The following DOP1B variants were observed in gnomAD, a reference collection of about 807,000 sequenced individuals.
DOP1B encodes the protein protein DOP1B.
In DOP1B, 174 loss-of-function variants were observed where a neutral mutation model predicts 233.5. The observed-to-expected ratio is 0.75, with a 90% CI of 0.66 to 0.85. The LOEUF (loss-of-function observed/expected upper bound fraction) is 0.85, where lower values mean the gene tolerates loss of function less well. Among genes scored for constraint, DOP1B ranks in the 40% least tolerant of loss-of-function variants. The pLI is 0.00. For synonymous variants in DOP1B, 1,190 were observed against 1,185.6 expected (o/e 1.00, Z -0.08); for missense variants, 2,652 against 2,846.6 (o/e 0.93, Z 1.56).
At chr21:36,266,106 C>A (rs140584562) in intron 26 of DOP1B, among the ~76,000 whole-genome samples, 1 of 152,274 alleles carries the variant, frequency 6.6e-6, no homozygotes, top group East Asian at 1.9e-4. Flanking sequence ...CACTACCCAC[C>A]CCTTGGGTTC....
intron 12 of DOP1B, among the ~76,000 whole-genome samples, chr21:36,227,387 C>A (rs555204985): frequency 3.0e-4 from 44 of 146,724 alleles, no homozygotes; most frequent in East Asian, 1.5e-3. Flanking sequence ...CTCTACTAAA[C>A]ATACAAAAAA....
rs768019595 is a variant in DOP1B, at chr21:36,260,717, A to G, written c.5300A>G (p.Tyr1767Cys). ...GACATTCCTGTGTTGCAGTTTTGCT[A>G]TGCTTTTCTCCAAAGGTAATACAGT... ...LVDIPVLQFCYAFLQRLPVPA... is the reference protein window; with the variant it reads ...LVDIPVLQFCCAFLQRLPVPA... Residue 1767 changes from tyrosine (Y) to cysteine (C), a missense_variant, in exon 24 of 37, where the codon TAT becomes TGT. Around this residue, in one of 3 missense-constraint regions of DOP1B, gnomAD observed 2,617 missense variants for 2,794.3 expected, o/e 0.94. Coordinates refer to ENST00000691173, the MANE Select transcript of DOP1B (RefSeq NM_001320714.2). 4 of 1,614,088 alleles carry G rather than the reference A, an allele frequency of 2.5e-6. No individual in the cohort carries two copies. The highest frequency in any genetic ancestry group is 1.7e-5 in the Admixed American group (1 of 60,010).
At chr21:36,277,129 T>G (rs375296836) in intron 28 of DOP1B, 29 bp downstream of exon 28, 614 of 1,605,694 alleles carry the variant, frequency 3.8e-4, no homozygotes, top group Non-Finnish European at 4.8e-4. Flanking sequence ...TGTCGTCCTT[T>G]ATGGAAATGA....
At position 36,246,222 on chromosome 21, in the gene DOP1B, A is replaced by G; in HGVS notation, c.4242A>G (p.Pro1414=). 1 of 1,613,876 alleles carries G rather than the reference A, an allele frequency of 6.2e-7. No individual in the cohort carries two copies. The highest frequency in any genetic ancestry group is 8.5e-7 in the Non-Finnish European group (1 of 1,180,028). ...CCGCCCACCACGGCAGGGCCCTGCC[A>G]GAGGACAGCCTCTTTGAGGAGAGTC... ...LATAHHGRAL[P]EDSLFEESLI... Residue 1414 remains proline (P), a synonymous_variant, in exon 19 of 37, where the codon CCA becomes CCG. Coordinates refer to ENST00000691173, the MANE Select transcript of DOP1B (RefSeq NM_001320714.2). This position sits in a 1 kb window ranked among gnomAD's most constrained non-coding sequence, Gnocchi z 5.1.
intron 32 of DOP1B, among the ~76,000 whole-genome samples, chr21:36,282,448 G>A (rs919271338): frequency 9.2e-5 from 14 of 151,950 alleles, no homozygotes; most frequent in African/African-American, 3.1e-4. Context: ...ATCAATTACA[G>A]TGTTATTAAT....
intron 13 of DOP1B, among the ~76,000 whole-genome samples, chr21:36,230,199 G>A (rs909468920): frequency 6.6e-6 from 1 of 152,062 alleles, no homozygotes; most frequent in African/African-American, 2.4e-5. Context: ...AAAAACACAA[G>A]AAAAATAGGC....
intron 35 of DOP1B, among the ~76,000 whole-genome samples, chr21:36,290,026 A>G (rs2067537823): frequency 6.6e-6 from 1 of 152,164 alleles, no homozygotes; most frequent in Admixed American, 6.5e-5. Flanking sequence ...CCAAGAGTGA[A>G]CCCTGATGTA....
Position 36,249,972 on chromosome 21 carries a change from C to T in DOP1B, c.4999-1190C>T, listed in dbSNP as rs12627483. On this transcript the variant is annotated intron_variant, in intron 21 of 36. Coordinates refer to ENST00000691173, the MANE Select transcript of DOP1B (RefSeq NM_001320714.2). ...CACTCAGAAAAAAAGATTTTCTAAA[C>T]CTTTTTTAGGGGAGCTTCCTGTAGC... is the stretch of plus-strand genomic sequence containing the variant. Among the ~76,000 whole-genome samples, 431 of 152,180 alleles carry T rather than the reference C, an allele frequency of 2.8e-3. 2 individuals are homozygous for T. Among genetic ancestry groups the T allele is most frequent in the African/African-American group, 9.8e-3 (408 of 41,526 alleles).
chr21:36,231,679 G>T (rs796485059), intron 14 of DOP1B, among the ~76,000 whole-genome samples: 5,333 of 131,672 alleles, frequency 0.041, 171 homozygotes, highest in African/African-American at 0.086. Flanking sequence ...GGGTTTTTTT[G>T]TTTTTTTTTT....
intron 28 of DOP1B, 68 bp from the exon 29 acceptor site, chr21:36,277,907 G>A: frequency 1.6e-6 from 2 of 1,288,662 alleles, no homozygotes; most frequent in South Asian, 1.2e-5. Flanking sequence ...CTCCCGAAGT[G>A]CTGGGATTAC....
Position 36,208,693 on chromosome 21 carries a change from C to T in DOP1B, c.492-22C>T, listed in dbSNP as rs2123489058. On this transcript the variant is annotated intron_variant, in intron 4 of 36. Transcript: ENST00000691173. The stretch of plus-strand genomic sequence containing the variant: ...CGGGAAGATGGGGCGAGCCCTTGAA[C>T]CCTATCCTCTCTCATCAACAGAACG... 1.9e-6 allele frequency: 3 copies of T among 1,608,754 alleles called. No individual in the cohort carries two copies. The South Asian group carries it at 3.3e-5, about 18-fold the overall frequency.
At chr21:36,272,143 G>A (rs1038115552) in intron 27 of DOP1B, among the ~76,000 whole-genome samples, 11 of 151,996 alleles carry the variant, frequency 7.2e-5, no homozygotes, top group African/African-American at 2.4e-4. Flanking sequence ...CACAGTACCT[G>A]CCACAGAGTA....
At chr21:36,197,502 T>G (rs1375474939) in intron 2 of DOP1B, among the ~76,000 whole-genome samples, 1 of 152,142 alleles carries the variant, frequency 6.6e-6, no homozygotes, top group African/African-American at 2.4e-5. Context: ...ACTGCCCGCT[T>G]TGTTCTAGGC....
At chr21:36,232,556 A>T (rs1233778785) in intron 14 of DOP1B, among the ~76,000 whole-genome samples, 2 of 152,124 alleles carry the variant, frequency 1.3e-5, no homozygotes, top group African/African-American at 4.8e-5. Context: ...TTCCCTTGAC[A>T]TGTCCCTCTT....
intron 27 of DOP1B, among the ~76,000 whole-genome samples, chr21:36,273,519 G>A: frequency 6.6e-6 from 1 of 152,174 alleles, no homozygotes; most frequent in Admixed American, 6.6e-5. Flanking sequence ...AGGAGTGGCT[G>A]GTAGTGGGGC....
At chr21:36,256,090 G>A (rs887286422) in intron 23 of DOP1B, among the ~76,000 whole-genome samples, 16 of 152,136 alleles carry the variant, frequency 1.1e-4, no homozygotes, top group Admixed American at 8.5e-4. Context: ...AAAAACCAGG[G>A]ATTTATTTCA....
At chr21:36,220,541 C>G (rs983412032) in intron 10 of DOP1B, among the ~76,000 whole-genome samples, 1 of 152,138 alleles carries the variant, frequency 6.6e-6, no homozygotes, top group Non-Finnish European at 1.5e-5. Flanking sequence ...GACAGGGTCA[C>G]CCAGGCTGGA....
chr21:36,245,309 C>T lies in DOP1B; in HGVS notation c.3329C>T (p.Thr1110Ile). 3 of 1,614,120 alleles carry T rather than the reference C, an allele frequency of 1.9e-6. No individual in the cohort carries two copies. Among genetic ancestry groups the T allele is most frequent in the Non-Finnish European group, 2.5e-6 (3 of 1,180,040 alleles). ...GGCGCCCCGGACAGCAGCGAGCACA[C>T]CGAGTCTGCAGATACAAGCTCCTGC... Reference protein sequence around the residue: ...AHGAPDSSEHTESADTSSCHT... With the variant: ...AHGAPDSSEHIESADTSSCHT... Residue 1110 changes from threonine (T) to isoleucine (I), a missense_variant, in exon 19 of 37, where the codon ACC becomes ATC. Thr to Ile is a moderately conservative substitution (Grantham distance 89). Coordinates refer to ENST00000691173, the MANE Select transcript of DOP1B (RefSeq NM_001320714.2). This position sits in a 1 kb window ranked among gnomAD's most constrained non-coding sequence, Gnocchi z 5.5.
At chr21:36,236,777 CTTTTTTT>C (rs35374710) in intron 15 of DOP1B, among the ~76,000 whole-genome samples, 2 of 118,572 alleles carry the variant, frequency 1.7e-5, no homozygotes, top group African/African-American at 6.4e-5. Flanking sequence ...TTTTCTTTTT[CTTTTTTT>C]TTTTTTTTTT....
Sources: allele counts gnomAD v4.1 joint callset (sites outside exome capture counted in the v4.1 genomes callset), GRCh38; gene constraint gnomAD v4.1.1; regional missense constraint gnomAD v4.1.1; non-coding constraint Gnocchi (gnomAD v3.1); transcripts MANE v1.5; gene names NCBI Gene and HGNC (gene_info 2026-07-23, HGNC 2026-07-21).